The following NPAS3 variants were observed in gnomAD, a reference collection of about 807,000 sequenced individuals.
The protein encoded by NPAS3 is neuronal PAS domain-containing protein 3.
In NPAS3, 14 loss-of-function variants were observed where a neutral mutation model predicts 73.1. The ratio of observed to expected loss-of-function variants is 0.19; its 90% CI spans 0.13 to 0.30. The LOEUF (loss-of-function observed/expected upper bound fraction) is 0.30. NPAS3 is among the 10% of genes least tolerant of loss of function. The pLI is 1.00. For synonymous variants in NPAS3, 620 were observed against 541.5 expected (o/e 1.14, Z -2.01); for missense variants, 1,096 against 1,250.0 (o/e 0.88, Z 1.86).
rs186542586 is a variant in NPAS3, at chr14:33,648,950, C to A, written c.559-27261C>A. Among the ~76,000 whole-genome samples, 206 of 152,272 alleles carry A rather than the reference C, an allele frequency of 1.4e-3. 1 individual carries two copies. The highest frequency in any genetic ancestry group is 2.6e-3 in the Admixed American group (39 of 15,294). On this transcript the variant is annotated intron_variant, in intron 5 of 11. Coordinates refer to ENST00000356141, the Ensembl canonical transcript of NPAS3. ...ATGAACAGCAGCGAATTGTGAGGGT[C>A]CTTGCCTTGCAGTTTTCCTCTGTTG... is the stretch of plus-strand genomic sequence containing the variant.
intron 5 of NPAS3, among the ~76,000 whole-genome samples, chr14:33,592,843 A>G (rs961148927): frequency 1.2e-4 from 19 of 152,188 alleles, no homozygotes; most frequent in Admixed American, 1.1e-3. Context: ...GTGTTTTTCA[A>G]ATATTAGAAT....
At chr14:33,745,477 G>A (rs982322528) in intron 7 of NPAS3, among the ~76,000 whole-genome samples, 9 of 152,220 alleles carry the variant, frequency 5.9e-5, no homozygotes, top group African/African-American at 1.7e-4. Context: ...TAAAATGAGA[G>A]TACCAATACA....
chr14:33,732,838 C>T (rs558503531), intron 6 of NPAS3, among the ~76,000 whole-genome samples: 12 of 152,290 alleles, frequency 7.9e-5, no homozygotes, highest in East Asian at 3.9e-4. Context: ...ATTCAGGGCA[C>T]GATGCCGTGA....
chr14:33,636,590 G>A (rs1281209882), intron 5 of NPAS3, among the ~76,000 whole-genome samples: 1 of 152,162 alleles, frequency 6.6e-6, no homozygotes, highest in Admixed American at 6.5e-5. Flanking sequence ...GAGTTTCTAA[G>A]AAAGTCTAGG....
chr14:33,054,140 G>A (rs2138518765), intron 1 of NPAS3, among the ~76,000 whole-genome samples: 1 of 152,076 alleles, frequency 6.6e-6, no homozygotes, highest in South Asian at 2.1e-4. Context: ...TTGTCAGGTG[G>A]GCCTATTATT....
chr14:33,670,171 A>G lies in NPAS3; in HGVS notation c.559-6040A>G, dbSNP rs2059572127. Among the ~76,000 whole-genome samples, 5 of 152,288 alleles carry G rather than the reference A, an allele frequency of 3.3e-5. No individual in the cohort carries two copies. In the South Asian group the frequency reaches 1.0e-3, roughly 32 times the overall value. ...ATGGGAGCCAAAATGTTTATTTTTG[A>G]AGATAAAATAAACACATGATGTGGT... On this transcript the variant is annotated intron_variant, in intron 5 of 11. Transcript: ENST00000356141.
chr14:33,484,759 C>T (rs1347241450), intron 4 of NPAS3, among the ~76,000 whole-genome samples: 10 of 152,160 alleles, frequency 6.6e-5, no homozygotes, highest in African/African-American at 2.4e-4. Flanking sequence ...TGCCAGAGAT[C>T]TCTACTGATC....
At chr14:33,272,728 G>A (rs958109821) in intron 3 of NPAS3, among the ~76,000 whole-genome samples, 11 of 152,038 alleles carry the variant, frequency 7.2e-5, no homozygotes, top group African/African-American at 2.7e-4. Context: ...AATTTTATAA[G>A]CATTTACTTT....
chr14:33,586,506 ATAG>A (rs1480388329), intron 5 of NPAS3, among the ~76,000 whole-genome samples: 2 of 152,182 alleles, frequency 1.3e-5, no homozygotes, highest in African/African-American at 4.8e-5. Flanking sequence ...ATTATACATA[ATAG>A]TATAAATTTC....
At chr14:33,343,152 A>G (rs1289504068) in intron 3 of NPAS3, among the ~76,000 whole-genome samples, 1 of 152,170 alleles carries the variant, frequency 6.6e-6, no homozygotes, top group Non-Finnish European at 1.5e-5. Flanking sequence ...TCTCTTGCTC[A>G]GTAATTGAAT....
chr14:33,395,237 T>G (rs1323097307), intron 4 of NPAS3, among the ~76,000 whole-genome samples: 1 of 152,138 alleles, frequency 6.6e-6, no homozygotes, highest in African/African-American at 2.4e-5. Context: ...CAGCAGATAC[T>G]TTAAAATAAT....
chr14:33,195,428 G>A (rs886568137), intron 2 of NPAS3, among the ~76,000 whole-genome samples: 9 of 151,946 alleles, frequency 5.9e-5, no homozygotes, highest in South Asian at 2.1e-4. Context: ...GCACCACCAC[G>A]CCCGGCCAAT....
intron 4 of NPAS3, among the ~76,000 whole-genome samples, chr14:33,451,128 C>T (rs2139383316): frequency 6.6e-6 from 1 of 152,228 alleles, no homozygotes; most frequent in South Asian, 2.1e-4. Context: ...GTTTTCAGTA[C>T]CTTTTCTAGT....
chr14:33,381,915 C>T (rs997550452), intron 4 of NPAS3, among the ~76,000 whole-genome samples: 3 of 152,134 alleles, frequency 2.0e-5, no homozygotes, highest in African/African-American at 7.2e-5. Flanking sequence ...TTTCCATAGC[C>T]GGTGGGCTGT....
chr14:33,779,712 A>G (rs951564970), intron 9 of NPAS3, among the ~76,000 whole-genome samples: 5 of 152,216 alleles, frequency 3.3e-5, no homozygotes, highest in African/African-American at 9.6e-5. Context: ...CATATAGCCC[A>G]AGTGTGTAGT....
At chr14:33,199,047 C>T (rs148419228) in intron 2 of NPAS3, among the ~76,000 whole-genome samples, 16 of 152,238 alleles carry the variant, frequency 1.1e-4, no homozygotes, top group Non-Finnish European at 1.9e-4. Context: ...TGGGGCCCGC[C>T]GAGCCCACGC....
chr14:33,011,911 G>C (rs569199759), intron 1 of NPAS3, among the ~76,000 whole-genome samples: 2 of 152,160 alleles, frequency 1.3e-5, no homozygotes, highest in South Asian at 4.2e-4. Flanking sequence ...GGGTTCATGT[G>C]CTTTTTTTTA....
chr14:33,068,036 T>C (rs1366181883), intron 2 of NPAS3, among the ~76,000 whole-genome samples: 1 of 152,234 alleles, frequency 6.6e-6, no homozygotes, highest in African/African-American at 2.4e-5. Flanking sequence ...AGTGTTCTTA[T>C]CTCCTATCTT....
chr14:33,735,437 T>A, intron 7 of NPAS3, 105 bp downstream of exon 7: 1 of 791,152 alleles, frequency 1.3e-6, no homozygotes, highest in African/African-American at 1.7e-5. Context: ...ATACATGTGA[T>A]CTTGAGGAGC....
Sources: allele counts gnomAD v4.1 joint callset (sites outside exome capture counted in the v4.1 genomes callset), GRCh38; gene constraint gnomAD v4.1.1; transcripts MANE v1.5; gene names NCBI Gene and HGNC (gene_info 2026-07-23, HGNC 2026-07-21).